Variants in VCL observed in about 807,000 individuals in gnomAD.
The protein encoded by VCL is epididymis luminal protein 114.
A neutral mutation model predicts 125.7 loss-of-function variants in VCL; 47 were observed. The ratio of observed to expected loss-of-function variants is 0.37; its 90% CI spans 0.30 to 0.48. The LOEUF is 0.48. VCL is among the 20% of genes least tolerant of loss of function. The pLI is 0.99. For synonymous variants in VCL, 458 were observed against 514.6 expected (o/e 0.89, Z 1.49); for missense variants, 1,069 against 1,455.5 (o/e 0.73, Z 4.32).
intron 6 of VCL, chr10:74,077,627 A>T: frequency 4.7e-6 from 2 of 422,010 alleles, no homozygotes; most frequent in Non-Finnish European, 4.7e-6. Context: ...AGTGTCTTTC[A>T]CCTCTTCTCG....
intron 5 of VCL, among the ~76,000 whole-genome samples, chr10:74,074,361 T>C (rs1488628453): frequency 2.0e-5 from 3 of 152,208 alleles, no homozygotes; most frequent in African/African-American, 7.2e-5. Context: ...GGATACGCCA[T>C]TCAGAGTATT....
At position 73,998,139 on chromosome 10, in the gene VCL, C is replaced by A; in HGVS notation, c.-69C>A. The A allele has an allele frequency of 1.3e-6, 2 of 1,573,834 alleles. No individual in the cohort carries two copies. Among genetic ancestry groups the A allele is most frequent in the Admixed American group, 1.8e-5 (1 of 55,112 alleles). ...GTAGTCGCTGCACAGTCTGTCTCTT[C>A]GCCGGTTCCCGGCCCCGTGGATCCT... On this transcript the variant is annotated 5_prime_UTR_variant, in exon 1 of 22. Coordinates refer to ENST00000211998, the MANE Select transcript of VCL (RefSeq NM_014000.3).
chr10:74,117,897 C>T, intron 21 of VCL, 126 bp from the exon 22 acceptor site: 4 of 1,376,246 alleles, frequency 2.9e-6, no homozygotes, highest in Non-Finnish European at 4.1e-6. Flanking sequence ...CCTAGTGATG[C>T]AAGCAAATAT....
At chr10:74,031,530 C>T (rs1840872864) in intron 1 of VCL, among the ~76,000 whole-genome samples, 1 of 152,146 alleles carries the variant, frequency 6.6e-6, no homozygotes, top group South Asian at 2.1e-4. Context: ...AGTAAATCTT[C>T]ATGATCTCAG....
chr10:74,096,516 A>C (rs190457201), intron 12 of VCL, among the ~76,000 whole-genome samples: 1 of 152,334 alleles, frequency 6.6e-6, no homozygotes, highest in East Asian at 1.9e-4. Flanking sequence ...AGGTATCACC[A>C]GCTAGTTTAT....
Position 74,071,204 on chromosome 10 carries a change from G to T in VCL, c.499+121G>T. The T allele has an allele frequency of 1.2e-6, 1 of 857,142 alleles. No homozygotes were observed. The highest frequency in any genetic ancestry group is 1.4e-5 in the South Asian group (1 of 70,688). 53.1% of individuals were successfully genotyped at this position (857,142 alleles called of 1,614,324 possible). ...GTGAAGATGCATTGGGCTTTCAGGT[G>T]TCTGCTCTGTTGATGGAGATGATGC... On this transcript the variant is annotated intron_variant, in intron 4 of 21. Transcript: ENST00000211998. The surrounding 1 kb of genome is among the most constrained non-coding windows in gnomAD (Gnocchi z 4.1).
At chr10:74,056,788 C>T (rs550717240) in intron 2 of VCL, among the ~76,000 whole-genome samples, 156 of 152,230 alleles carry the variant, frequency 1.0e-3, no homozygotes, top group African/African-American at 3.7e-3. Context: ...CAAAGCATAT[C>T]AGCTATTACT....
At chr10:74,115,405 T>C in intron 21 of VCL, among the ~76,000 whole-genome samples, 1 of 151,744 alleles carries the variant, frequency 6.6e-6, no homozygotes, top group Admixed American at 6.6e-5. Context: ...AATAAATAAA[T>C]AAATAAATAA....
intron 1 of VCL, among the ~76,000 whole-genome samples, chr10:74,022,405 G>A (rs574203474): frequency 6.0e-4 from 91 of 151,722 alleles, no homozygotes; most frequent in African/African-American, 2.1e-3. Flanking sequence ...AATTAGCCGG[G>A]CATGATGGCA....
intron 1 of VCL, among the ~76,000 whole-genome samples, chr10:74,017,366 A>G (rs1449423137): frequency 6.6e-6 from 1 of 152,042 alleles, no homozygotes; most frequent in Non-Finnish European, 1.5e-5. Context: ...TTTAAGGCTG[A>G]ATTATATTCC....
intron 8 of VCL, among the ~76,000 whole-genome samples, chr10:74,086,142 C>G (rs905104980): frequency 2.0e-5 from 3 of 152,320 alleles, no homozygotes; most frequent in Non-Finnish European, 4.4e-5. Flanking sequence ...GCTGGGATTA[C>G]GGGTGTGAGC....
chr10:74,114,988 T>A, intron 21 of VCL, 89 bp downstream of exon 21: 1 of 1,207,518 alleles, frequency 8.3e-7, no homozygotes, highest in Non-Finnish European at 1.2e-6. Flanking sequence ...TTTTACCCCT[T>A]AATTGAGTAT....
chr10:74,114,706 T>C (rs1840285704), intron 20 of VCL, 89 bp from the exon 21 acceptor site: 1 of 1,383,914 alleles, frequency 7.2e-7, no homozygotes. Flanking sequence ...TGCCAGCCAC[T>C]GGGAATACAG....
intron 1 of VCL, among the ~76,000 whole-genome samples, chr10:74,036,782 C>A (rs1163624761): frequency 1.3e-5 from 2 of 151,966 alleles, no homozygotes; most frequent in Non-Finnish European, 2.9e-5. Flanking sequence ...CATTGGGAAT[C>A]ATATTTCTCC....
At chr10:74,041,990 A>G (rs1239428531) in intron 1 of VCL, among the ~76,000 whole-genome samples, 1 of 152,272 alleles carries the variant, frequency 6.6e-6, no homozygotes, top group Non-Finnish European at 1.5e-5. Flanking sequence ...TTTACATTTC[A>G]GGAAATTAGA....
intron 1 of VCL, among the ~76,000 whole-genome samples, chr10:74,005,929 A>G (rs1307992019): frequency 6.6e-6 from 1 of 151,908 alleles, no homozygotes; most frequent in Non-Finnish European, 1.5e-5. Flanking sequence ...TGTTTCACCC[A>G]GGCTGGAGTG....
intron 2 of VCL, among the ~76,000 whole-genome samples, chr10:74,066,654 G>A (rs529291732): frequency 6.8e-6 from 1 of 147,588 alleles, no homozygotes; most frequent in Non-Finnish European, 1.5e-5. Flanking sequence ...TAAAGTACCT[G>A]GTACTATTTT....
chr10:74,102,711 A>T (rs995614239), intron 14 of VCL, among the ~76,000 whole-genome samples: 6 of 152,252 alleles, frequency 3.9e-5, no homozygotes, highest in African/African-American at 1.4e-4. Flanking sequence ...AACATGTCTA[A>T]CACTCTTTAA....
At chr10:74,098,289 A>T (rs191935403) in intron 13 of VCL, among the ~76,000 whole-genome samples, 2 of 152,286 alleles carry the variant, frequency 1.3e-5, no homozygotes, top group African/African-American at 2.4e-5. Context: ...GACCACTAAG[A>T]TAACACCACC....
Sources: allele counts gnomAD v4.1 joint callset (sites outside exome capture counted in the v4.1 genomes callset), GRCh38; gene constraint gnomAD v4.1.1; non-coding constraint Gnocchi (gnomAD v3.1); transcripts MANE v1.5; gene names NCBI Gene and HGNC (gene_info 2026-07-23, HGNC 2026-07-21).